Variants in SYNPR observed in about 807,000 individuals in gnomAD.
SYNPR encodes synaptoporin.
In SYNPR, 23 loss-of-function variants were observed where a neutral mutation model predicts 32.9. The ratio of observed to expected loss-of-function variants is 0.70; its 90% CI spans 0.50 to 0.99. The LOEUF is 0.99. Ranked by LOEUF, SYNPR falls within the 50% of genes least tolerant of loss-of-function variation. The pLI, the probability that SYNPR is intolerant of heterozygous loss-of-function variation, is 0.00. For synonymous variants in SYNPR, 146 were observed against 135.9 expected, an observed-to-expected ratio of 1.07 and a Z score of -0.52; for missense variants, 318 against 349.3, an observed-to-expected ratio of 0.91 and a Z score of 0.71.
intron 3 of SYNPR, among the ~76,000 whole-genome samples, chr3:63,520,797 C>T (rs770708518): frequency 2.6e-5 from 4 of 152,144 alleles, no homozygotes; most frequent in Non-Finnish European, 5.9e-5. Context: ...GACAGCAAAG[C>T]CATGATTTGG....
At position 63,441,689 on chromosome 3, in the gene SYNPR, G is replaced by A. The variant is rs1385436843; in HGVS notation, c.85-39143G>A. Among the ~76,000 whole-genome samples, 3 of 152,218 alleles carry A rather than the reference G, an allele frequency of 2.0e-5. No homozygotes were observed. In the East Asian group the frequency reaches 5.8e-4, roughly 29 times the overall value. ...AATAAGCAGGTGAGGGGTGGCCACA[G>A]GGGAGTGGGGAGGAAAAGGTTCCTA... On this transcript the variant is annotated intron_variant, in intron 2 of 5. Coordinates refer to ENST00000478300, the MANE Select transcript of SYNPR (RefSeq NM_001130003.2).
At chr3:63,597,457 G>T (rs6445365) in intron 4 of SYNPR, among the ~76,000 whole-genome samples, 65,773 of 151,886 alleles carry the variant, frequency 0.43, 15,262 homozygotes, top group African/African-American at 0.61. Flanking sequence ...ATGAAAAGAT[G>T]AGCACTTGTT....
upstream of SYNPR, among the ~76,000 whole-genome samples, chr3:63,275,731 CT>C (rs1438815199): frequency 1.3e-5 from 2 of 152,162 alleles, no homozygotes; most frequent in Non-Finnish European, 2.9e-5. Flanking sequence ...TATTATGATA[CT>C]TAAATGATGT....
chr3:63,560,242 A>G (rs1023454524), intron 4 of SYNPR, among the ~76,000 whole-genome samples: 3 of 152,224 alleles, frequency 2.0e-5, no homozygotes, highest in Non-Finnish European at 4.4e-5. Context: ...AGATAAAGTT[A>G]ATTTAAAGAT....
intron 2 of SYNPR, among the ~76,000 whole-genome samples, chr3:63,379,098 G>A (rs946298911): frequency 6.6e-6 from 1 of 152,064 alleles, no homozygotes; most frequent in Non-Finnish European, 1.5e-5. Context: ...GTTTCCAAGT[G>A]TTTGGGGGAA....
chr3:63,414,238 T>G (rs1009212351), intron 2 of SYNPR, among the ~76,000 whole-genome samples: 1 of 152,178 alleles, frequency 6.6e-6, no homozygotes, highest in Non-Finnish European at 1.5e-5. Flanking sequence ...AAACTTAAAA[T>G]GTAGTTGACA....
intron 2 of SYNPR, among the ~76,000 whole-genome samples, chr3:63,396,379 C>A (rs955276280): frequency 6.6e-6 from 1 of 152,166 alleles, no homozygotes; most frequent in Non-Finnish European, 1.5e-5. Flanking sequence ...AAAATCAACT[C>A]TGTGAGCAAG....
intron 2 of SYNPR, among the ~76,000 whole-genome samples, chr3:63,290,094 C>A (rs1184332938): frequency 6.6e-6 from 1 of 151,044 alleles, no homozygotes; most frequent in Non-Finnish European, 1.5e-5. Flanking sequence ...CACGCCATGG[C>A]ACTCCAGCCT....
chr3:63,239,322 ATTGT>A (rs2086221161), intron 1 of SYNPR, among the ~76,000 whole-genome samples: 2 of 151,550 alleles, frequency 1.3e-5, no homozygotes, highest in Non-Finnish European at 2.9e-5. Context: ...CCATCCTACC[ATTGT>A]CAGGTGTGTC....
chr3:63,401,061 A>G (rs1472154798), intron 2 of SYNPR, among the ~76,000 whole-genome samples: 1 of 152,130 alleles, frequency 6.6e-6, no homozygotes, highest in Non-Finnish European at 1.5e-5. Flanking sequence ...TTATGATGAT[A>G]ACAAGAGGAC....
intron 1 of SYNPR, among the ~76,000 whole-genome samples, chr3:63,252,199 C>T (rs949650273): frequency 6.6e-6 from 1 of 152,106 alleles, no homozygotes; most frequent in Admixed American, 6.5e-5. Context: ...CTAAATGTTT[C>T]AAGGATATGA....
At chr3:63,442,471 A>AT (rs1700196999) in intron 2 of SYNPR, among the ~76,000 whole-genome samples, 1 of 152,174 alleles carries the variant, frequency 6.6e-6, no homozygotes, top group Non-Finnish European at 1.5e-5. Flanking sequence ...CCACGATGCC[A>AT]GTGTGAGAAC....
intron 2 of SYNPR, among the ~76,000 whole-genome samples, chr3:63,402,034 C>T (rs1342455022): frequency 1.7e-4 from 26 of 151,478 alleles, no homozygotes; most frequent in Admixed American, 1.6e-3. Flanking sequence ...TAGGCCCCTG[C>T]TGTTCATCCT....
At chr3:63,340,619 C>G (rs985075193) in intron 2 of SYNPR, among the ~76,000 whole-genome samples, 1 of 151,758 alleles carries the variant, frequency 6.6e-6, no homozygotes, top group South Asian at 2.1e-4. Flanking sequence ...CGGGGTTTCA[C>G]CGTTTTAGCC....
At chr3:63,222,603 G>T in the SYNPR span, among the ~76,000 whole-genome samples, 1 of 151,900 alleles carries the variant, frequency 6.6e-6, no homozygotes, top group African/African-American at 2.4e-5. Context: ...TGCAACTTTC[G>T]CCTCCCAGGT....
chr3:63,534,773 T>C (rs1702172880), intron 3 of SYNPR, among the ~76,000 whole-genome samples: 1 of 152,068 alleles, frequency 6.6e-6, no homozygotes, highest in African/African-American at 2.4e-5. Context: ...GGTAACGTGG[T>C]GACAGAGGAT....
At chr3:63,456,434 A>G (rs1412710253) in intron 2 of SYNPR, among the ~76,000 whole-genome samples, 1 of 152,050 alleles carries the variant, frequency 6.6e-6, no homozygotes, top group Non-Finnish European at 1.5e-5. Flanking sequence ...GGTCATAAGG[A>G]TATGGGAATG....
At chr3:63,510,686 T>C (rs1701679553) in intron 3 of SYNPR, among the ~76,000 whole-genome samples, 1 of 152,182 alleles carries the variant, frequency 6.6e-6, no homozygotes, top group Non-Finnish European at 1.5e-5. Context: ...TACCTCTCTC[T>C]CAAGGCGTGT....
chr3:63,323,975 T>G (rs552484834), intron 2 of SYNPR, among the ~76,000 whole-genome samples: 1 of 152,196 alleles, frequency 6.6e-6, no homozygotes, highest in African/African-American at 2.4e-5. Flanking sequence ...GAGTCAGCAT[T>G]TAAACTCAGT....
Sources: gnomAD v4.1 joint callset for allele counts (sites outside exome capture counted in the v4.1 genomes callset) on GRCh38, gnomAD v4.1.1 for gene constraint, MANE v1.5 for transcripts, NCBI Gene and HGNC (gene_info 2026-07-23, HGNC 2026-07-21) for gene names.